Variants in IL11RA observed in about 807,000 individuals in gnomAD.
IL11RA encodes interleukin-11 receptor subunit alpha.
A neutral mutation model predicts 57.0 loss-of-function variants in IL11RA; 51 were observed. That is an observed-to-expected ratio of 0.89 (90% CI 0.71 to 1.13). The LOEUF (loss-of-function observed/expected upper bound fraction) is 1.13. Ranked by LOEUF, IL11RA falls within the 50% of genes most tolerant of loss-of-function variation. The pLI is 0.00. For missense variants in IL11RA, 498 were observed against 539.4 expected (o/e 0.92, Z 0.76); for synonymous variants, 199 against 217.5 (o/e 0.91, Z 0.75).
Position 34,658,116 on chromosome 9 carries a change from C to T in IL11RA, c.647-404C>T, listed in dbSNP as rs1397576904. ...AGTTCAGTGGTGTGATCTTGGCTCACTGAAGCCTGCAACTCCTGGGCTCAA... is the reference window on the plus strand; with the variant it reads ...AGTTCAGTGGTGTGATCTTGGCTCATTGAAGCCTGCAACTCCTGGGCTCAA... On this transcript the variant is annotated intron_variant, in intron 7 of 12. Coordinates refer to ENST00000441545, the MANE Select transcript of IL11RA (RefSeq NM_001142784.3). The surrounding 1 kb of genome is among the most constrained non-coding windows in gnomAD (Gnocchi z 4.0). Among the ~76,000 whole-genome samples the T allele has an allele frequency of 3.3e-5, 5 of 152,174 alleles. No individual in the cohort carries two copies. The highest frequency in any genetic ancestry group is 1.2e-4 in the African/African-American group (5 of 41,432).
At position 34,658,410 on chromosome 9, in the gene IL11RA, C is replaced by A; in HGVS notation, c.647-110C>A. On this transcript the variant is annotated intron_variant, in intron 7 of 12. Transcript: ENST00000441545. This position sits in a 1 kb window ranked among gnomAD's most constrained non-coding sequence, Gnocchi z 4.0. The stretch of plus-strand genomic sequence containing the variant: ...ATGATCAAGTTTAAGATTTCCCCTC[C>A]CCTCTCAGGAGTGTCTGGCTAAGGC... The A allele has an allele frequency of 9.2e-7, 1 of 1,090,336 alleles. No homozygotes were observed. Among genetic ancestry groups the A allele is most frequent in the South Asian group, 1.3e-5 (1 of 79,136 alleles). The allele number at this position is 1,090,336 out of a possible 1,614,324, so 67.5% of individuals were successfully genotyped here.
rs1564106349 is a variant in IL11RA, at chr9:34,661,503, C to T, written c.*5C>T. The stretch of plus-strand genomic sequence containing the variant: ...CTAGGAGCTCCAAACCTGTAGAGGA[C>T]CCAGGAGGGCTTCGGCAGATTCCAC... On this transcript the variant is annotated 3_prime_UTR_variant, in exon 13 of 13. Coordinates refer to ENST00000441545, the MANE Select transcript of IL11RA (RefSeq NM_001142784.3). 6.2e-7 allele frequency: 1 copy of T among 1,613,714 alleles called. No individual in the cohort carries two copies.
Position 34,661,614 on chromosome 9 carries a change from G to C in IL11RA, c.*116G>C, listed in dbSNP as rs1032466137. 1.7e-6 allele frequency: 2 copies of C among 1,172,398 alleles called. No homozygotes were observed. 72.6% of individuals were successfully genotyped at this position (1,172,398 alleles called of 1,614,324 possible). On this transcript the variant is annotated 3_prime_UTR_variant, in exon 13 of 13. Transcript: ENST00000441545. ...GGATCTCAGCTGGAAGTTCTGTTTG[G>C]AGCCCATTTCTGTGAGACCCTGTAT...
At position 34,658,576 on chromosome 9, in the gene IL11RA, C is replaced by T. The variant is rs147884261; in HGVS notation, c.703C>T (p.Arg235Cys). 117 of 1,614,154 alleles carry T rather than the reference C, an allele frequency of 7.2e-5. No homozygotes were observed. Among genetic ancestry groups the T allele is most frequent in the Non-Finnish European group, 8.4e-5 (99 of 1,180,036 alleles). Residue 235 changes from arginine to cysteine, a missense_variant, in exon 8 of 13, where the codon CGC becomes TGC. Coordinates refer to ENST00000441545, the MANE Select transcript of IL11RA (RefSeq NM_001142784.3). The surrounding 1 kb of genome is among the most constrained non-coding windows in gnomAD (Gnocchi z 4.0). ...RVESVPGYPR[R>C]LRASWTYPAS... ...AGAGTCAGTACCAGGTTACCCCCGACGCCTGCGAGCCAGCTGGACATACCC... is the reference window on the plus strand; with the variant it reads ...AGAGTCAGTACCAGGTTACCCCCGATGCCTGCGAGCCAGCTGGACATACCC...
At chr9:34,656,034 C>CTTT (rs556829448) in intron 3 of IL11RA, 153 of 255,230 alleles carry the variant, frequency 6.0e-4, no homozygotes, top group South Asian at 1.3e-3. Flanking sequence ...TGAGTGGTTA[C>CTTT]TTTTTTTTTT....
chr9:34,656,739 G>A lies in IL11RA; in HGVS notation c.162G>A (p.Gly54=), dbSNP rs1821349225. The change falls in exon 4 of 13, where the codon GGG becomes GGA. Residue 54 remains glycine (G), a splice_region_variant and synonymous_variant. Transcript: ENST00000441545. ...CATTGTCACCTCATCTCACTTCCAG[G>A]GACCCAGTGTCCTGGTTTCGGGATG... ...VKLCCPGVTA[G]DPVSWFRDGE... 1.9e-6 allele frequency: 3 copies of A among 1,614,040 alleles called. No individual in the cohort carries two copies. Among genetic ancestry groups the A allele is most frequent in the South Asian group, 1.1e-5 (1 of 91,088 alleles).
At chr9:34,654,107 C>G (rs1222804490) in intron 1 of IL11RA, 1 of 152,464 alleles carries the variant, frequency 6.6e-6, no homozygotes, top group Non-Finnish European at 1.5e-5. Context: ...CTGCTCTACT[C>G]CTACTCCTGA....
Position 34,661,804 on chromosome 9 carries a change from A to G in IL11RA, c.*306A>G. ...CATGCATGTATGTAGGTGCCTGGGG[A>G]GTGTGTGTGGGTCCTTGGCTCTTGG... On this transcript the variant is annotated 3_prime_UTR_variant, in exon 13 of 13. Coordinates refer to ENST00000441545, the MANE Select transcript of IL11RA (RefSeq NM_001142784.3). 1 of 924,322 alleles carries G rather than the reference A, an allele frequency of 1.1e-6. No homozygotes were observed. The highest frequency in any genetic ancestry group is 2.0e-5 in the Admixed American group (1 of 49,480). 57.3% of individuals were successfully genotyped at this position (924,322 alleles called of 1,614,324 possible). A position where few individuals can be genotyped will look rare whatever the true frequency, so the allele number is the denominator to read the frequency against.
rs1249567864 is a variant in IL11RA at position 34,653,520 on chromosome 9, A to G, written c.-1+1287A>G. 6.6e-6 allele frequency among the ~76,000 whole-genome samples: 1 copy of G among 152,184 alleles called. No individual in the cohort carries two copies. Among genetic ancestry groups the G allele is most frequent in the Non-Finnish European group, 1.5e-5 (1 of 68,022 alleles). On this transcript the variant is annotated intron_variant, in intron 1 of 12. Transcript: ENST00000441545. The surrounding 1 kb of genome is among the most constrained non-coding windows in gnomAD (Gnocchi z 4.5). ...AGCACAGCCAGCTGTACCCTAAGGAAACATTTGGTGAGGAGTGAAAAGAGG... is the reference window on the plus strand; with the variant it reads ...AGCACAGCCAGCTGTACCCTAAGGAGACATTTGGTGAGGAGTGAAAAGAGG...
At position 34,657,119 on chromosome 9, in the gene IL11RA, G is replaced by A. The variant is rs746893925; in HGVS notation, c.416G>A (p.Gly139Asp). ...ACTTGGAGTCCCAGCCAGATCAGCG[G>A]TTTACCCACCCGCTACCTCACCTCC... ...SCTWSPSQIS[G>D]LPTRYLTSYR... The change falls in exon 5 of 13, where the codon GGT becomes GAT. Residue 139 changes from glycine (G) to aspartate (D), a missense_variant. Coordinates refer to ENST00000441545, the MANE Select transcript of IL11RA (RefSeq NM_001142784.3). 1 of 1,614,144 alleles carries A rather than the reference G, an allele frequency of 6.2e-7. No homozygotes were observed. The highest frequency in any genetic ancestry group is 8.5e-7 in the Non-Finnish European group (1 of 1,180,004).
chr9:34,658,407 C>A lies in IL11RA; in HGVS notation c.647-113C>A. 9.3e-7 allele frequency: 1 copy of A among 1,075,630 alleles called. No homozygotes were observed. The highest frequency in any genetic ancestry group is 1.4e-6 in the Non-Finnish European group (1 of 695,780). The allele number at this position is 1,075,630 out of a possible 1,614,324, so 66.6% of individuals were successfully genotyped here. A position where few individuals can be genotyped will look rare whatever the true frequency, so the allele number is the denominator to read the frequency against. On this transcript the variant is annotated intron_variant, in intron 7 of 12. Coordinates refer to ENST00000441545, the MANE Select transcript of IL11RA (RefSeq NM_001142784.3). The surrounding 1 kb of genome is among the most constrained non-coding windows in gnomAD (Gnocchi z 4.0). ...TGGATGATCAAGTTTAAGATTTCCC[C>A]TCCCCTCTCAGGAGTGTCTGGCTAA...
rs910038091 is a variant in IL11RA at position 34,660,692 on chromosome 9, C to T, written c.1169+92C>T. Reference sequence around the variant, plus strand: ...TTCATCTCCACCCTTCATGACTGCCCGCTGAACCTGTCTGATTCTGGAACT... The same window carrying T: ...TTCATCTCCACCCTTCATGACTGCCTGCTGAACCTGTCTGATTCTGGAACT... On this transcript the variant is annotated intron_variant, in intron 11 of 12. Transcript: ENST00000441545. The T allele has an allele frequency of 4.8e-5, 61 of 1,266,244 alleles. No homozygotes were observed. The Admixed American group carries it at 7.2e-4, about 15-fold the overall frequency. 78.4% of individuals were successfully genotyped at this position (1,266,244 alleles called of 1,614,324 possible).
Position 34,661,557 on chromosome 9 carries a change from G to C in IL11RA, c.*59G>C. On this transcript the variant is annotated 3_prime_UTR_variant, in exon 13 of 13. Coordinates refer to ENST00000441545, the MANE Select transcript of IL11RA (RefSeq NM_001142784.3). ...TAATTCTGTCTTGCTGGTGTGGATA[G>C]AAACCAGGCAGGACAGTAGATCCCT... The C allele has an allele frequency of 6.4e-7, 1 of 1,557,828 alleles. No individual in the cohort carries two copies. Among genetic ancestry groups the C allele is most frequent in the Non-Finnish European group, 8.9e-7 (1 of 1,128,682 alleles).
At position 34,655,647 on chromosome 9, in the gene IL11RA, G is replaced by A; in HGVS notation, c.143G>A (p.Cys48Tyr). The part of the protein sequence containing the change: ...GQPGRSVKLC[C>Y]PGVTAGDPVS... ...CCAGGCAGGTCCGTGAAGCTGTGTT[G>A]TCCTGGAGTGACTGCCGGGTAAGTG... Residue 48 changes from cysteine to tyrosine, a missense_variant, in exon 3 of 13, where the codon TGT becomes TAT. Coordinates refer to ENST00000441545, the MANE Select transcript of IL11RA (RefSeq NM_001142784.3). 1.2e-6 allele frequency: 2 copies of A among 1,614,120 alleles called. No individual in the cohort carries two copies. Among genetic ancestry groups the A allele is most frequent in the African/African-American group, 1.3e-5 (1 of 75,028 alleles).
chr9:34,655,666 G>C lies in IL11RA; in HGVS notation c.161+1G>C, dbSNP rs1355487635. On this transcript the variant is annotated splice_donor_variant, in intron 3 of 12. Transcript: ENST00000441545. LOFTEE classifies it high-confidence loss of function. The stretch of plus-strand genomic sequence containing the variant: ...TGTGTTGTCCTGGAGTGACTGCCGG[G>C]TAAGTGCCCCACCTGCCTGTTGGTC... 1.2e-6 allele frequency: 2 copies of C among 1,613,906 alleles called. No individual in the cohort carries two copies. Among genetic ancestry groups the C allele is most frequent in the East Asian group, 2.2e-5 (1 of 44,872 alleles).
In IL11RA at chr9:34,655,596, C is replaced by CCT. The variant is rs1441694936; in HGVS notation, c.101-7_101-6dup. The stretch of plus-strand genomic sequence containing the variant: ...AGGAAGAGCCTTACCTCAGAAGTGC[C>CCT]CTCCACAGGGGTCCAGTATGGGCAG... On this transcript the variant is annotated splice_polypyrimidine_tract_variant and intron_variant, in intron 2 of 12. Transcript: ENST00000441545. 1.2e-6 allele frequency: 2 copies of CCT among 1,613,738 alleles called. No homozygotes were observed. Among genetic ancestry groups the CCT allele is most frequent in the East Asian group, 4.5e-5 (2 of 44,884 alleles).
rs1193049800 is a variant in IL11RA, at chr9:34,655,624, A to C, written c.120A>C (p.Pro40=). 6 of 1,614,042 alleles carry C rather than the reference A, an allele frequency of 3.7e-6. No homozygotes were observed. The highest frequency in any genetic ancestry group is 5.1e-6 in the Non-Finnish European group (6 of 1,180,020). The change falls in exon 3 of 13, where the codon CCA becomes CCC. Residue 40 remains proline (P), a synonymous_variant. Transcript: ENST00000441545. ...CCACAGGGGTCCAGTATGGGCAGCC[A>C]GGCAGGTCCGTGAAGCTGTGTTGTC... ...WGPPGVQYGQ[P]GRSVKLCCPG... is the part of the protein sequence containing the mutation.
In IL11RA at chr9:34,656,901, G is replaced by C. The variant is rs201179602; in HGVS notation, c.324G>C (p.Gln108His). 1.4e-5 allele frequency: 23 copies of C among 1,614,012 alleles called. No homozygotes were observed. In the Admixed American group the frequency reaches 3.0e-4, roughly 21 times the overall value. Residue 108 changes from glutamine (Q) to histidine (H), a missense_variant, in exon 4 of 13, where the codon CAG becomes CAC. Transcript: ENST00000441545. ...CACTTGGGGGCACAGTGACCCTGCA[G>C]CTGGGCTGTGAGTTGGGGAGGGTGG... ...DGALGGTVTL[Q>H]LGYPPARPVV...
At chr9:34,661,289 T>C (rs979463441) in intron 12 of IL11RA, among the ~76,000 whole-genome samples, 193 bp from the exon 13 acceptor site, 1 of 152,172 alleles carries the variant, frequency 6.6e-6, no homozygotes, top group African/African-American at 2.4e-5. Context: ...TCCTTCATTC[T>C]TAATGTGCCT....
Sources: allele counts gnomAD v4.1 joint callset (sites outside exome capture counted in the v4.1 genomes callset), GRCh38; gene constraint gnomAD v4.1.1; non-coding constraint Gnocchi (gnomAD v3.1); transcripts MANE v1.5; gene names NCBI Gene and HGNC (gene_info 2026-07-23, HGNC 2026-07-21).